SLC17A4: variants seen among roughly 807,000 people sequenced by gnomAD.
SLC17A4 encodes probable small intestine urate exporter.
Under a neutral mutation model 52.5 loss-of-function variants are expected in SLC17A4, and 33 were observed. The ratio of observed to expected loss-of-function variants is 0.63; its 90% confidence interval spans 0.48 to 0.84. The LOEUF is 0.84. SLC17A4 is among the 40% of genes least tolerant of loss of function. The probability of loss-of-function intolerance (pLI) is 0.00; values close to 1 mark genes in which losing one functional copy is unlikely to be tolerated. For missense variants in SLC17A4, 585 were observed against 597.1 expected, an observed-to-expected ratio of 0.98 and a Z score of 0.21; for synonymous variants, 225 against 216.2, an observed-to-expected ratio of 1.04 and a Z score of -0.36.
At position 25,769,189 on chromosome 6, in the gene SLC17A4, T is replaced by C. The variant is rs986622715; in HGVS notation, c.296T>C (p.Met99Thr). Residue 99 changes from methionine (M) to threonine (T), a missense_variant and splice_region_variant, in exon 3 of 12, where the codon ATG becomes ACG. Met to Thr is a moderately conservative substitution (Grantham distance 81). Coordinates refer to ENST00000377905, the MANE Select transcript of SLC17A4 (RefSeq NM_005495.3). ...GAAACTCTAAAAGAATTTAAAGCAA[T>C]GGTAAGTTTAATGAGACTCTGGACT... ...WNETLKEFKA[M>T]APAYDWSPEI... The C allele has an allele frequency of 6.2e-7, 1 of 1,613,368 alleles. No homozygotes were observed. The highest frequency in any genetic ancestry group is 8.5e-7 in the Non-Finnish European group (1 of 1,179,416).
chr6:25,772,261 A>G (rs1161802575), intron 6 of SLC17A4, among the ~76,000 whole-genome samples: 2 of 152,318 alleles, frequency 1.3e-5, no homozygotes, highest in Middle Eastern at 3.4e-3. Context: ...ATAGAAACTC[A>G]CTAAATATTT....
chr6:25,755,635 T>C (rs1760950280), intron 1 of SLC17A4, among the ~76,000 whole-genome samples: 1 of 152,164 alleles, frequency 6.6e-6, no homozygotes. Flanking sequence ...TTTTTCCTCA[T>C]TTACCTGGTT....
chr6:25,769,293 A>G, intron 3 of SLC17A4, 103 bp downstream of exon 3: 3 of 1,083,884 alleles, frequency 2.8e-6, no homozygotes, highest in Non-Finnish European at 4.0e-6. Context: ...TTTACTGAAC[A>G]TGTACTATGT....
At chr6:25,774,882 T>C (rs939433971) in intron 8 of SLC17A4, among the ~76,000 whole-genome samples, 1 of 152,224 alleles carries the variant, frequency 6.6e-6, no homozygotes, top group African/African-American at 2.4e-5. Flanking sequence ...ATCTGTAAAA[T>C]GAACTACTTG....
intron 1 of SLC17A4, among the ~76,000 whole-genome samples, chr6:25,756,346 C>T (rs1761012379): frequency 6.6e-6 from 1 of 152,136 alleles, no homozygotes; most frequent in African/African-American, 2.4e-5. Context: ...TCAGTGTTCC[C>T]GTTTCAGCTC....
intron 8 of SLC17A4, among the ~76,000 whole-genome samples, chr6:25,774,256 TAGAC>T (rs1241756652): frequency 2.6e-5 from 4 of 152,234 alleles, no homozygotes; most frequent in African/African-American, 4.8e-5. Flanking sequence ...TTTCACAAAA[TAGAC>T]AGATACTCTG....
intron 8 of SLC17A4, among the ~76,000 whole-genome samples, chr6:25,775,073 T>A (rs1762787737): frequency 6.6e-6 from 1 of 152,210 alleles, no homozygotes. Flanking sequence ...CTCATGCCTA[T>A]AATCCCAACA....
intron 2 of SLC17A4, among the ~76,000 whole-genome samples, chr6:25,763,537 T>A (rs999897788): frequency 3.9e-5 from 6 of 152,234 alleles, no homozygotes; most frequent in Non-Finnish European, 8.8e-5. Context: ...CCCAGGGCAC[T>A]GCTGGGGCTT....
chr6:25,779,294 C>A lies in SLC17A4; in HGVS notation c.*106C>A. On this transcript the variant is annotated 3_prime_UTR_variant, in exon 12 of 12. Coordinates refer to ENST00000377905, the MANE Select transcript of SLC17A4 (RefSeq NM_005495.3). ...TGACTGATAAGCCATTAGCTAGACCCTGACTATGTAACGCTAAAGATTTTA... is the reference window on the plus strand; with the variant it reads ...TGACTGATAAGCCATTAGCTAGACCATGACTATGTAACGCTAAAGATTTTA... 1 of 1,474,308 alleles carries A rather than the reference C, an allele frequency of 6.8e-7. No individual in the cohort carries two copies. Among genetic ancestry groups the A allele is most frequent in the Non-Finnish European group, 9.2e-7 (1 of 1,088,466 alleles). 91.3% of individuals were successfully genotyped at this position (1,474,308 alleles called of 1,614,324 possible).
chr6:25,761,717 G>A (rs1761549284), intron 1 of SLC17A4, among the ~76,000 whole-genome samples: 1 of 152,130 alleles, frequency 6.6e-6, no homozygotes. Context: ...TCACTTGCGA[G>A]ATATAAATAC....
chr6:25,766,820 A>G lies in SLC17A4; in HGVS notation c.92-2165A>G, dbSNP rs186485000. ...CTACAAAGTATTTAGAATACATTTT[A>G]GAAACAAGGTAAGTCTGAGAAAGTG... On this transcript the variant is annotated intron_variant, in intron 2 of 11. Transcript: ENST00000377905. Among the ~76,000 whole-genome samples the G allele has an allele frequency of 1.8e-3, 267 of 152,362 alleles. 2 individuals are homozygous for G. The highest frequency in any genetic ancestry group is 2.8e-3 in the Non-Finnish European group (188 of 68,032).
At chr6:25,773,232 G>A (rs762944732) in intron 6 of SLC17A4, 43 bp from the exon 7 acceptor site, 6 of 1,454,536 alleles carry the variant, frequency 4.1e-6, no homozygotes, top group Middle Eastern at 1.8e-4. Context: ...ACTGAAAGAA[G>A]TACTTCAATC....
rs1216417966 is a variant in SLC17A4, at chr6:25,780,438, G to C, written c.*1250G>C. The C allele has an allele frequency of 6.6e-6, 1 of 152,198 alleles. No homozygotes were observed. Among genetic ancestry groups the C allele is most frequent in the Non-Finnish European group, 1.5e-5 (1 of 68,040 alleles). The allele number at this position is 152,198 out of a possible 1,614,324, so 9.4% of individuals were successfully genotyped here. A position where few individuals can be genotyped will look rare whatever the true frequency, so the allele number is the denominator to read the frequency against. ...CAAAGTTTCAGCTGAGCTGGGATCT[G>C]AAGGATAATAGTTAACTGTTGTGGG... On this transcript the variant is annotated 3_prime_UTR_variant, in exon 12 of 12. Transcript: ENST00000377905.
At chr6:25,762,084 A>G (rs200150227) in intron 2 of SLC17A4, 31 bp downstream of exon 2, 2 of 1,584,342 alleles carry the variant, frequency 1.3e-6, no homozygotes, top group East Asian at 4.5e-5. Context: ...CTGGTAGTAA[A>G]TAAAACTAGG....
intron 1 of SLC17A4, among the ~76,000 whole-genome samples, chr6:25,760,284 A>T (rs1389642923): frequency 1.3e-5 from 2 of 151,978 alleles, no homozygotes; most frequent in Non-Finnish European, 2.9e-5. Flanking sequence ...ACTGTATTTT[A>T]TTTTTTTATT....
At position 25,773,516 on chromosome 6, in the gene SLC17A4, T is replaced by C. The variant is rs80230923; in HGVS notation, c.829T>C (p.Cys277Arg). 1.1e-5 allele frequency: 17 copies of C among 1,613,858 alleles called. No individual in the cohort carries two copies. In the South Asian group the frequency reaches 1.6e-4, roughly 16 times the overall value. Residue 277 changes from cysteine to arginine, a missense_variant, in exon 8 of 12, where the codon TGT (cysteine) becomes CGT (arginine). Coordinates refer to ENST00000377905, the MANE Select transcript of SLC17A4 (RefSeq NM_005495.3). ...YIVCSLAQQD[C>R]SPGWSLPIRA... ...ATTGATGTGTGCTTTCTTCCAGGAC[T>C]GTTCACCAGGCTGGTCTCTTCCCAT...
chr6:25,763,362 C>CA (rs1255978639), intron 2 of SLC17A4, among the ~76,000 whole-genome samples: 2 of 152,192 alleles, frequency 1.3e-5, no homozygotes, highest in Non-Finnish European at 2.9e-5. Flanking sequence ...GCTACTCCTC[C>CA]AAGCCTTACC....
At position 25,768,995 on chromosome 6, in the gene SLC17A4, A is replaced by C. The variant is rs1231029469; in HGVS notation, c.102A>C (p.Ser34=). Residue 34 remains serine, a synonymous_variant, in exon 3 of 12, where the codon TCA becomes TCC. Transcript: ENST00000377905. ...QEECSRKGFC[S]VRHGLALILQ... ...CCCTTTTCCTCTCAGGTTTTTGTTCAGTCCGACATGGGCTGGCCCTCATCT... is the reference window on the plus strand; with the variant it reads ...CCCTTTTCCTCTCAGGTTTTTGTTCCGTCCGACATGGGCTGGCCCTCATCT... The C allele has an allele frequency of 1.9e-6, 3 of 1,613,900 alleles. No homozygotes were observed. Among genetic ancestry groups the C allele is most frequent in the Non-Finnish European group, 2.5e-6 (3 of 1,179,974 alleles).
At chr6:25,767,099 T>C (rs983414747) in intron 2 of SLC17A4, among the ~76,000 whole-genome samples, 9 of 152,104 alleles carry the variant, frequency 5.9e-5, no homozygotes, top group Non-Finnish European at 1.3e-4. Context: ...TGTCCTAAAA[T>C]TAAAAATTTA....
Sources: allele counts gnomAD v4.1 joint callset (sites outside exome capture counted in the v4.1 genomes callset), GRCh38; gene constraint gnomAD v4.1.1; transcripts MANE v1.5; gene names NCBI Gene and HGNC (gene_info 2026-07-23, HGNC 2026-07-21).